The following SNTG1 variants were observed in gnomAD, a reference collection of about 807,000 sequenced individuals.
SNTG1 encodes the protein syntrophin gamma 1, also known as gamma-1-syntrophin.
SNTG1 carries 39 observed loss-of-function variants against 74.7 expected under a neutral mutation model. The ratio of observed to expected loss-of-function variants is 0.52; its 90% CI spans 0.40 to 0.68. The LOEUF is 0.68. Among genes scored for constraint, SNTG1 ranks in the 30% least tolerant of loss-of-function variants. The pLI, the probability that SNTG1 is intolerant of heterozygous loss-of-function variation, is 0.00. For missense variants in SNTG1, 685 were observed against 609.5 expected, an observed-to-expected ratio of 1.12 and a Z score of -1.30; for synonymous variants, 254 against 217.1, an observed-to-expected ratio of 1.17 and a Z score of -1.49.
intron 1 of SNTG1, among the ~76,000 whole-genome samples, chr8:49,912,596 A>T (rs899488682): frequency 2.0e-5 from 3 of 152,218 alleles, no homozygotes; most frequent in Admixed American, 6.5e-5. Context: ...AGTATGCAAG[A>T]CTAAAAAAGT....
chr8:50,047,232 G>A (rs1473385253), intron 1 of SNTG1, among the ~76,000 whole-genome samples: 1 of 151,902 alleles, frequency 6.6e-6, no homozygotes, highest in Non-Finnish European at 1.5e-5. Flanking sequence ...TCAGCTGCTT[G>A]GGAGGCTGAG....
At chr8:50,508,972 G>A (rs2094037652) in intron 9 of SNTG1, among the ~76,000 whole-genome samples, 1 of 152,248 alleles carries the variant, frequency 6.6e-6, no homozygotes, top group Non-Finnish European at 1.5e-5. Flanking sequence ...TGCTTTTGGT[G>A]TTTTAGACAT....
chr8:50,070,875 G>T (rs1205082078), intron 1 of SNTG1, among the ~76,000 whole-genome samples: 1 of 152,186 alleles, frequency 6.6e-6, no homozygotes, highest in African/African-American at 2.4e-5. Context: ...CACTTGCAAG[G>T]TGCCCTGTTG....
At chr8:50,096,375 G>T (rs950639534) in intron 1 of SNTG1, among the ~76,000 whole-genome samples, 2 of 152,140 alleles carry the variant, frequency 1.3e-5, no homozygotes, top group African/African-American at 4.8e-5. Context: ...TGGAGCTTCT[G>T]CAAAACATAA....
chr8:49,972,400 A>G (rs1162858175), intron 1 of SNTG1, among the ~76,000 whole-genome samples: 2 of 152,206 alleles, frequency 1.3e-5, no homozygotes, highest in African/African-American at 4.8e-5. Context: ...TTAGACCTAA[A>G]ACCATAAAAA....
rs377238391 is a variant in SNTG1 at position 50,450,557 on chromosome 8, G to A, written c.279G>A (p.Ala93=). The A allele has an allele frequency of 4.6e-5, 75 of 1,613,166 alleles. No homozygotes were observed. Among genetic ancestry groups the A allele is most frequent in the East Asian group, 2.2e-4 (10 of 44,734 alleles). Residue 93 remains alanine, a splice_region_variant and synonymous_variant, in exon 7 of 19, where the codon GCG becomes GCA. Coordinates refer to ENST00000642720, the MANE Select transcript of SNTG1 (RefSeq NM_018967.5). ...VVSKISKEQR[A]ELSGLLFIGD... The stretch of plus-strand genomic sequence containing the variant: ...TCAATTGTGCTTTTTCATTCACAGC[G>A]GAACTTTCAGGACTACTTTTTATTG...
chr8:50,563,057 A>G (rs776492486), intron 12 of SNTG1, among the ~76,000 whole-genome samples: 1 of 152,140 alleles, frequency 6.6e-6, no homozygotes, highest in Non-Finnish European at 1.5e-5. Flanking sequence ...GCCACACAAG[A>G]CGAGAATAAG....
chr8:50,069,199 G>A (rs1166765858), intron 1 of SNTG1, among the ~76,000 whole-genome samples: 1 of 152,184 alleles, frequency 6.6e-6, no homozygotes, highest in Non-Finnish European at 1.5e-5. Context: ...GCTACTTATA[G>A]GAGTGAAAAT....
At chr8:50,345,501 C>G (rs1226289222) in intron 2 of SNTG1, among the ~76,000 whole-genome samples, 2 of 152,146 alleles carry the variant, frequency 1.3e-5, no homozygotes, top group Non-Finnish European at 2.9e-5. Context: ...GCTCTGCACT[C>G]TGAATCATAT....
intron 9 of SNTG1, among the ~76,000 whole-genome samples, chr8:50,526,469 A>G (rs1262759697): frequency 6.6e-6 from 1 of 152,006 alleles, no homozygotes; most frequent in African/African-American, 2.4e-5. Context: ...ACTGTGACTT[A>G]TTAACTAGTT....
chr8:50,644,871 G>A lies in SNTG1; in HGVS notation c.850-12038G>A, dbSNP rs149387091. Among the ~76,000 whole-genome samples the A allele has an allele frequency of 7.6e-3, 1,152 of 151,450 alleles. 10 individuals are homozygous for A. The highest frequency in any genetic ancestry group is 0.014 in the Middle Eastern group (4 of 284). On this transcript the variant is annotated intron_variant, in intron 13 of 18. Transcript: ENST00000642720. ...AACATTACTCTCTTGCCTTTTGTAG[G>A]CATTTTGGACTGTTGTGGCCTAAAG...
chr8:49,969,139 A>T (rs762561081), intron 1 of SNTG1, among the ~76,000 whole-genome samples: 1 of 152,194 alleles, frequency 6.6e-6, no homozygotes, highest in African/African-American at 2.4e-5. Context: ...TGTGCTGCTT[A>T]ACTCAAAATC....
At chr8:50,734,966 C>G (rs78904401) in intron 17 of SNTG1, among the ~76,000 whole-genome samples, 1 of 63,586 alleles carries the variant, frequency 1.6e-5, no homozygotes, top group African/African-American at 9.6e-5. Context: ...TCTATATATC[C>G]ATATATATCT....
intron 5 of SNTG1, among the ~76,000 whole-genome samples, chr8:50,446,234 A>G (rs1429374477): frequency 6.6e-6 from 1 of 152,224 alleles, no homozygotes; most frequent in South Asian, 2.1e-4. Context: ...TGAGCTGCTC[A>G]CATTTTCTCC....
intron 10 of SNTG1, among the ~76,000 whole-genome samples, chr8:50,532,489 T>G (rs1340498611): frequency 1.3e-5 from 2 of 152,196 alleles, no homozygotes; most frequent in African/African-American, 4.8e-5. Flanking sequence ...GATAAAGAGT[T>G]GTAGAGACTT....
At chr8:50,355,349 A>C (rs2091789035) in intron 2 of SNTG1, among the ~76,000 whole-genome samples, 1 of 152,044 alleles carries the variant, frequency 6.6e-6, no homozygotes, top group African/African-American at 2.4e-5. Flanking sequence ...TTTATGATAT[A>C]CTATGACCAG....
chr8:50,588,000 G>A (rs1008204915), intron 12 of SNTG1, among the ~76,000 whole-genome samples: 6 of 151,556 alleles, frequency 4.0e-5, no homozygotes, highest in Admixed American at 6.6e-5. Context: ...GGCACCTATA[G>A]TCCCAGCTAC....
chr8:50,492,662 A>T (rs956735167), intron 8 of SNTG1, among the ~76,000 whole-genome samples: 13 of 151,850 alleles, frequency 8.6e-5, no homozygotes, highest in Admixed American at 4.6e-4. Flanking sequence ...GATTGCAAAA[A>T]TTTTCTCCCA....
intron 2 of SNTG1, among the ~76,000 whole-genome samples, chr8:50,388,961 A>G (rs1213125040): frequency 6.6e-6 from 1 of 152,114 alleles, no homozygotes; most frequent in African/African-American, 2.4e-5. Context: ...GCAGGGATGT[A>G]AGGGTGGTTG....
Sources: allele counts gnomAD v4.1 joint callset (sites outside exome capture counted in the v4.1 genomes callset), GRCh38; gene constraint gnomAD v4.1.1; transcripts MANE v1.5; gene names NCBI Gene and HGNC (gene_info 2026-07-23, HGNC 2026-07-21).